NELL1: variants seen among roughly 807,000 people sequenced by gnomAD.
NELL1 encodes neural EGFL like 1.
Under a neutral mutation model 107.4 loss-of-function variants are expected in NELL1, and 76 were observed. The observed-to-expected ratio is 0.71, with a 90% CI of 0.59 to 0.86. The LOEUF is 0.86. Among genes scored for constraint, NELL1 ranks in the 40% least tolerant of loss-of-function variants. NELL1 has a pLI of 0.00. For synonymous variants in NELL1, 353 were observed against 341.2 expected, an observed-to-expected ratio of 1.03 and a Z score of -0.38; for missense variants, 1,024 against 1,005.5, an observed-to-expected ratio of 1.02 and a Z score of -0.25.
intron 17 of NELL1, among the ~76,000 whole-genome samples, chr11:21,568,111 G>C (rs952086689): frequency 6.6e-6 from 1 of 151,780 alleles, no homozygotes; most frequent in Non-Finnish European, 1.5e-5. Flanking sequence ...AACCTAGATG[G>C]AATAGCTTGC....
intron 15 of NELL1, among the ~76,000 whole-genome samples, chr11:21,424,213 C>T (rs576814911): frequency 6.2e-4 from 95 of 152,246 alleles, no homozygotes; most frequent in Middle Eastern, 3.4e-3. Flanking sequence ...AATTGACAAA[C>T]ATTTAGTAAA....
intron 3 of NELL1, among the ~76,000 whole-genome samples, chr11:20,834,332 T>C (rs1356750583): frequency 1.3e-5 from 2 of 152,276 alleles, no homozygotes; most frequent in East Asian, 3.9e-4. Context: ...TAGGATATAA[T>C]GGATGAGGCC....
chr11:20,833,812 T>G (rs1264509143), intron 3 of NELL1, among the ~76,000 whole-genome samples: 1 of 152,076 alleles, frequency 6.6e-6, no homozygotes, highest in Non-Finnish European at 1.5e-5. Context: ...TTGGAGCAAG[T>G]GCATTGTAGT....
intron 15 of NELL1, among the ~76,000 whole-genome samples, chr11:21,464,421 A>T (rs1200038078): frequency 6.9e-6 from 1 of 145,594 alleles, no homozygotes; most frequent in African/African-American, 2.6e-5. Flanking sequence ...AAAAAAAAAA[A>T]TTCAGAGTAA....
chr11:20,982,188 G>T (rs559681240), intron 12 of NELL1, among the ~76,000 whole-genome samples: 1 of 152,250 alleles, frequency 6.6e-6, no homozygotes, highest in African/African-American at 2.4e-5. Context: ...TGAGTAGCCA[G>T]TCCTGAAACA....
At chr11:21,047,794 A>G (rs1265719891) in intron 12 of NELL1, among the ~76,000 whole-genome samples, 1 of 152,124 alleles carries the variant, frequency 6.6e-6, no homozygotes, top group Non-Finnish European at 1.5e-5. Context: ...TGTTACTTCT[A>G]CTTGGTTTGT....
At chr11:21,366,553 G>A (rs752657307) in intron 14 of NELL1, among the ~76,000 whole-genome samples, 7 of 152,028 alleles carry the variant, frequency 4.6e-5, no homozygotes, top group Admixed American at 1.3e-4. Context: ...AACAATTGTC[G>A]CATCGAAGCA....
At chr11:20,940,330 G>A (rs181659367) in intron 10 of NELL1, among the ~76,000 whole-genome samples, 168 of 151,868 alleles carry the variant, frequency 1.1e-3, no homozygotes, top group African/African-American at 3.9e-3. Flanking sequence ...CACAATCTCG[G>A]CTCACTGCAA....
chr11:20,692,505 C>G (rs918585203), intron 2 of NELL1, among the ~76,000 whole-genome samples: 1 of 151,320 alleles, frequency 6.6e-6, no homozygotes, highest in African/African-American at 2.4e-5. Context: ...TCGTTGGTTT[C>G]AAAGAACATC....
chr11:20,783,634 C>A (rs753819449), intron 2 of NELL1, 46 bp from the exon 3 acceptor site: 8 of 1,461,378 alleles, frequency 5.5e-6, no homozygotes, highest in Non-Finnish European at 7.6e-6. Flanking sequence ...CTTCTCCTTC[C>A]TCTTCTCCTC....
intron 3 of NELL1, among the ~76,000 whole-genome samples, chr11:20,786,824 C>A (rs867054241): frequency 2.6e-5 from 4 of 151,482 alleles, no homozygotes; most frequent in South Asian, 4.2e-4. Context: ...CTGGCTAACA[C>A]GGTGAAACCC....
At chr11:20,907,967 A>T (rs549921226) in intron 5 of NELL1, among the ~76,000 whole-genome samples, 4 of 152,158 alleles carry the variant, frequency 2.6e-5, no homozygotes, top group Non-Finnish European at 5.9e-5. Flanking sequence ...AACATCACTG[A>T]TCATCAGAGA....
At chr11:21,416,793 T>G (rs1360563684) in intron 15 of NELL1, among the ~76,000 whole-genome samples, 2 of 152,138 alleles carry the variant, frequency 1.3e-5, no homozygotes, top group African/African-American at 4.8e-5. Context: ...TTGACCCATC[T>G]TCATTTGCAG....
chr11:21,140,720 T>C (rs781063088), intron 13 of NELL1, among the ~76,000 whole-genome samples: 1 of 152,228 alleles, frequency 6.6e-6, no homozygotes, highest in African/African-American at 2.4e-5. Context: ...TTCTGATTTT[T>C]AATATATTGC....
intron 12 of NELL1, among the ~76,000 whole-genome samples, chr11:21,097,010 C>T (rs1854659665): frequency 6.6e-6 from 1 of 152,160 alleles, no homozygotes; most frequent in African/African-American, 2.4e-5. Flanking sequence ...AGCCACCACC[C>T]CTGGCCTTCC....
intron 15 of NELL1, among the ~76,000 whole-genome samples, chr11:21,530,234 T>A (rs1052750051): frequency 6.6e-6 from 1 of 152,140 alleles, no homozygotes; most frequent in Admixed American, 6.6e-5. Context: ...ACTACTTCAG[T>A]GCAAGCTTTA....
chr11:20,855,412 G>A lies in NELL1; in HGVS notation c.506+7659G>A, dbSNP rs1033581597. Among the ~76,000 whole-genome samples, 6 of 152,290 alleles carry A rather than the reference G, an allele frequency of 3.9e-5. No homozygotes were observed. In the East Asian group the frequency reaches 7.7e-4, roughly 20 times the overall value. On this transcript the variant is annotated intron_variant, in intron 4 of 19. Transcript: ENST00000357134. ...GTTTGTTGGCTACCTGAGGCGAGGA[G>A]TGGATTAAAAAGAAAGCATTTTGTT...
chr11:21,181,161 G>T (rs530860719), intron 13 of NELL1, among the ~76,000 whole-genome samples: 82 of 151,796 alleles, frequency 5.4e-4, no homozygotes, highest in Non-Finnish European at 6.0e-4. Flanking sequence ...TTGAGATTTT[G>T]CTGGCTTTCA....
chr11:21,432,158 T>G (rs987036569), intron 15 of NELL1, among the ~76,000 whole-genome samples: 1 of 151,398 alleles, frequency 6.6e-6, no homozygotes, highest in Non-Finnish European at 1.5e-5. Context: ...CAGGATTCCT[T>G]TTTTTTTCTG....
Sources: gnomAD v4.1 joint callset for allele counts (sites outside exome capture counted in the v4.1 genomes callset) on GRCh38, gnomAD v4.1.1 for gene constraint, MANE v1.5 for transcripts, NCBI Gene and HGNC (gene_info 2026-07-23, HGNC 2026-07-21) for gene names.